The following PTPRS variants were observed in gnomAD, a reference collection of about 807,000 sequenced individuals.
PTPRS encodes the protein protein tyrosine phosphatase receptor type S, also known as receptor-type tyrosine-protein phosphatase S.
Under a neutral mutation model 215.3 loss-of-function variants are expected in PTPRS, and 63 were observed. The observed-to-expected ratio is 0.29, with a 90% CI of 0.24 to 0.36. The LOEUF is 0.36. Ranked by LOEUF, PTPRS falls within the 10% of genes least tolerant of loss-of-function variation. PTPRS has a pLI of 1.00. For missense variants in PTPRS, 2,258 were observed against 2,825.8 expected (o/e 0.80, Z 4.56); for synonymous variants, 1,404 against 1,191.4 (o/e 1.18, Z -3.68).
chr19:5,212,715 T>G (rs985572437), intron 30 of PTPRS, among the ~76,000 whole-genome samples: 1 of 152,122 alleles, frequency 6.6e-6, no homozygotes, highest in Non-Finnish European at 1.5e-5. Flanking sequence ...TGGTGGTGCA[T>G]GCCTGTAATC....
intron 31 of PTPRS, 27 bp from the exon 32 acceptor site, chr19:5,212,277 G>A (rs901349591): frequency 1.2e-6 from 2 of 1,608,636 alleles, no homozygotes; most frequent in African/African-American, 2.7e-5. Context: ...GTGGCGTTCA[G>A]GGGCTGCTGG....
chr19:5,259,256 C>A (rs2045803356), intron 7 of PTPRS, among the ~76,000 whole-genome samples: 1 of 152,088 alleles, frequency 6.6e-6, no homozygotes, highest in African/African-American at 2.4e-5. Context: ...GACTGATTTC[C>A]CCTCAATACA....
In PTPRS at chr19:5,238,955, A is replaced by G; in HGVS notation, c.1813T>C (p.Phe605Leu). Residue 605 changes from phenylalanine (F) to leucine (L), a missense_variant, in exon 13 of 38, where the codon TTC becomes CTC. Physicochemically the swap from Phe to Leu is conservative, Grantham distance 22. Coordinates refer to ENST00000262963, the MANE Select transcript of PTPRS (RefSeq NM_002850.4). Reference sequence around the variant, plus strand: ...GTGCGCTGCCGCACCACGGGGGTGAAGGCGCCCAGGCCCTGCGGCGAGCGG... The same window carrying G: ...GTGCGCTGCCGCACCACGGGGGTGAGGGCGCCCAGGCCCTGCGGCGAGCGG... ...AARSPQGLGAFTPVVRQRTLQ... is the reference protein window; with the variant it reads ...AARSPQGLGALTPVVRQRTLQ... The G allele has an allele frequency of 6.2e-7, 1 of 1,611,046 alleles. No individual in the cohort carries two copies. Among genetic ancestry groups the G allele is most frequent in the South Asian group, 1.1e-5 (1 of 90,884 alleles).
At chr19:5,218,583 G>A (rs780854107) in intron 24 of PTPRS, 51 bp from the exon 25 acceptor site, 2 of 1,569,462 alleles carry the variant, frequency 1.3e-6, no homozygotes, top group African/African-American at 1.3e-5. Context: ...ACATGTTCAT[G>A]TGTGAACACA....
At chr19:5,254,219 G>C (rs1363865189) in intron 9 of PTPRS, among the ~76,000 whole-genome samples, 4 of 152,144 alleles carry the variant, frequency 2.6e-5, no homozygotes, top group East Asian at 1.9e-4. Context: ...TCGCATGCTG[G>C]GTTAATAAGC....
At chr19:5,325,559 A>T (rs147897100) in intron 1 of PTPRS, among the ~76,000 whole-genome samples, 3,304 of 152,278 alleles carry the variant, frequency 0.022, 57 homozygotes, top group Non-Finnish European at 0.032. Context: ...TCATTCCAAC[A>T]TCCACCTCCC....
intron 9 of PTPRS, among the ~76,000 whole-genome samples, chr19:5,247,473 G>C (rs988487357): frequency 6.6e-6 from 1 of 152,116 alleles, no homozygotes; most frequent in African/African-American, 2.4e-5. Context: ...GGAAGGACTC[G>C]GGTGAACCTA....
At chr19:5,261,649 A>T (rs1280367178) in intron 6 of PTPRS, among the ~76,000 whole-genome samples, 1 of 152,138 alleles carries the variant, frequency 6.6e-6, no homozygotes, top group South Asian at 2.1e-4. Context: ...CACGTGAAAA[A>T]GCAGCTCCTT....
At chr19:5,263,931 C>A (rs1311912474) in intron 5 of PTPRS, among the ~76,000 whole-genome samples, 1 of 152,222 alleles carries the variant, frequency 6.6e-6, no homozygotes, top group Non-Finnish European at 1.5e-5. Context: ...GCACAGGGAG[C>A]CCAGACATGC....
At chr19:5,324,561 A>C (rs1211923386) in intron 1 of PTPRS, among the ~76,000 whole-genome samples, 1 of 152,150 alleles carries the variant, frequency 6.6e-6, no homozygotes, top group Non-Finnish European at 1.5e-5. Context: ...GAGGAGAAGG[A>C]GGTAGTGACC....
chr19:5,334,530 C>T (rs2050431487), intron 1 of PTPRS, among the ~76,000 whole-genome samples: 1 of 152,182 alleles, frequency 6.6e-6, no homozygotes, highest in Admixed American at 6.5e-5. Flanking sequence ...GCCAACAAGT[C>T]GGCAGAGCCG....
In PTPRS at chr19:5,244,194, G is replaced by A. The variant is rs780320073; in HGVS notation, c.1277C>T (p.Pro426Leu). 1.2e-6 allele frequency: 2 copies of A among 1,602,272 alleles called. No individual in the cohort carries two copies. The highest frequency in any genetic ancestry group is 1.7e-6 in the Non-Finnish European group (2 of 1,173,668). The change falls in exon 11 of 38, where the codon CCG becomes CTG. Residue 426 changes from proline to leucine, a missense_variant. Physicochemically the swap from Pro to Leu is moderately conservative, Grantham distance 98. Coordinates refer to ENST00000262963, the MANE Select transcript of PTPRS (RefSeq NM_002850.4). This position sits in a 1 kb window ranked among gnomAD's most constrained non-coding sequence, Gnocchi z 7.2. ...TTGCACGTTCCGCGGCGCGCTGGCCGGGGCCTGCTCGCCTGTGCGGGTGAC... is the reference window on the plus strand; with the variant it reads ...TTGCACGTTCCGCGGCGCGCTGGCCAGGGCCTGCTCGCCTGTGCGGGTGAC... ...SVVTRTGEQA[P>L]ASAPRNVQAR...
intron 22 of PTPRS, 146 bp from the exon 23 acceptor site, chr19:5,219,613 C>G (rs1568391798): frequency 1.2e-5 from 12 of 1,025,688 alleles, no homozygotes; most frequent in Non-Finnish European, 1.5e-5. Flanking sequence ...CCTATGTGAC[C>G]TGGTCCCTGC....
At chr19:5,310,122 T>C (rs2147147177) in intron 1 of PTPRS, among the ~76,000 whole-genome samples, 1 of 151,974 alleles carries the variant, frequency 6.6e-6, no homozygotes, top group South Asian at 2.1e-4. Context: ...ACATGCCAGG[T>C]GCGGTCCTGC....
At position 5,222,331 on chromosome 19, in the gene PTPRS, G is replaced by A. The variant is rs1032412054; in HGVS notation, c.3104-111C>T. ...TGGGGCGGCCCAGGCGCTCCCTGTC[G>A]TCCGCTGTGCCCATGCCCACGGCCT... On this transcript the variant is annotated intron_variant, in intron 18 of 37. Transcript: ENST00000262963. 1.4e-4 allele frequency: 125 copies of A among 894,998 alleles called. 1 individual carries two copies. Among genetic ancestry groups the A allele is most frequent in the African/African-American group, 3.9e-4 (24 of 61,402 alleles). 55.4% of individuals were successfully genotyped at this position (894,998 alleles called of 1,614,324 possible).
chr19:5,311,755 C>T (rs1404563595), intron 1 of PTPRS, among the ~76,000 whole-genome samples: 1 of 151,994 alleles, frequency 6.6e-6, no homozygotes, highest in Non-Finnish European at 1.5e-5. Flanking sequence ...ATGTGCATCC[C>T]TTGGGCCGGG....
rs575141162 is a variant in PTPRS at position 5,287,661 on chromosome 19, C to A, written c.-94-1427G>T. ...CCTGTGATTCTGACTCCCAAAATACCCAGCTGCGGTCACCTCGCCCAGCCC... is the reference window on the plus strand; with the variant it reads ...CCTGTGATTCTGACTCCCAAAATACACAGCTGCGGTCACCTCGCCCAGCCC... On this transcript the variant is annotated intron_variant, in intron 1 of 37. Transcript: ENST00000262963. The surrounding 1 kb of genome is among the most constrained non-coding windows in gnomAD (Gnocchi z 4.8). 6.6e-6 allele frequency among the ~76,000 whole-genome samples: 1 copy of A among 152,258 alleles called. No individual in the cohort carries two copies. Among genetic ancestry groups the A allele is most frequent in the African/African-American group, 2.4e-5 (1 of 41,560 alleles).
rs749228586 is a variant in PTPRS, at chr19:5,218,792, G to C, written c.3930C>G (p.Pro1310=). 8.7e-6 allele frequency: 14 copies of C among 1,605,414 alleles called. No homozygotes were observed. Among genetic ancestry groups the C allele is most frequent in the African/African-American group, 2.7e-5 (2 of 74,322 alleles). ...GGGGGAGGGCTGGTTCTTACCTGTC[G>C]GGTTTGCTGTTCCCGAAAGCAGACA... ...VIAILLYKNK[P]DSKRKDSEPR... The change falls in exon 24 of 38, where the codon CCC becomes CCG. Residue 1310 remains proline (P), a synonymous_variant. Transcript: ENST00000262963.
At chr19:5,336,249 T>C (rs1442910325) in intron 1 of PTPRS, among the ~76,000 whole-genome samples, 1 of 113,248 alleles carries the variant, frequency 8.8e-6, no homozygotes. Flanking sequence ...AGTCTTTTCT[T>C]TCCTTAAAGG....
Sources: gnomAD v4.1 joint callset for allele counts (sites outside exome capture counted in the v4.1 genomes callset) on GRCh38, gnomAD v4.1.1 for gene constraint, Gnocchi (gnomAD v3.1) non-coding constraint, MANE v1.5 for transcripts, NCBI Gene and HGNC (gene_info 2026-07-23, HGNC 2026-07-21) for gene names.